The following OPRM1 variants were observed in gnomAD, a reference collection of about 807,000 sequenced individuals.
OPRM1 encodes mu-type opioid receptor.
A neutral mutation model predicts 31.8 loss-of-function variants in OPRM1; 27 were observed. The ratio of observed to expected loss-of-function variants is 0.85; its 90% CI spans 0.63 to 1.17. The LOEUF (loss-of-function observed/expected upper bound fraction) is 1.17. OPRM1 is among the 50% of genes most tolerant of loss of function. The pLI is 0.00. For synonymous variants in OPRM1, 196 were observed against 189.9 expected (o/e 1.03, Z -0.26); for missense variants, 536 against 511.1 (o/e 1.05, Z -0.47).
chr6:154,154,088 C>T (rs1798618068), intron 3 of OPRM1, among the ~76,000 whole-genome samples: 1 of 152,140 alleles, frequency 6.6e-6, no homozygotes, highest in African/African-American at 2.4e-5. Flanking sequence ...TGGAGCTTGG[C>T]TTGTGAGGTG....
intron 3 of OPRM1, chr6:154,108,084 G>T: frequency 1.6e-6 from 1 of 642,976 alleles, no homozygotes; most frequent in African/African-American, 1.8e-5. Context: ...AGGCTTCTGG[G>T]TTCCCTTTCC....
chr6:154,137,352 C>T (rs1359377024), downstream of OPRM1, among the ~76,000 whole-genome samples: 1 of 152,136 alleles, frequency 6.6e-6, no homozygotes, highest in African/African-American at 2.4e-5. Flanking sequence ...TCTGAATATA[C>T]TTGCTTTCTG....
chr6:154,225,773 CTA>C (rs1779200891), intron 3 of OPRM1, among the ~76,000 whole-genome samples: 1 of 152,192 alleles, frequency 6.6e-6, no homozygotes, highest in Non-Finnish European at 1.5e-5. Context: ...TTTTAAGAAT[CTA>C]TGTTAGGCTA....
chr6:154,040,870 T>C (rs1779915873), intron 1 of OPRM1, among the ~76,000 whole-genome samples: 1 of 152,244 alleles, frequency 6.6e-6, no homozygotes. Context: ...GGTGTTGATG[T>C]GTATATTCAA....
At chr6:154,015,755 T>C (rs1039438361) in intron 1 of OPRM1, among the ~76,000 whole-genome samples, 10 of 151,762 alleles carry the variant, frequency 6.6e-5, no homozygotes, top group African/African-American at 2.2e-4. Context: ...ATATCTCTAA[T>C]ATATAAAGAT....
intron 3 of OPRM1, chr6:154,199,778 T>C (rs764591429): frequency 6.2e-7 from 1 of 1,614,220 alleles, no homozygotes; most frequent in South Asian, 1.1e-5. Context: ...AAATCCACTT[T>C]CTGATGTGAC....
intron 3 of OPRM1, among the ~76,000 whole-genome samples, chr6:154,092,837 G>A (rs545771768): frequency 1.3e-5 from 2 of 152,288 alleles, no homozygotes; most frequent in African/African-American, 2.4e-5. Context: ...AGGTAATGAT[G>A]GCAGACCCAC....
chr6:154,012,384 C>T (rs1777776982), intron 1 of OPRM1, among the ~76,000 whole-genome samples: 1 of 152,080 alleles, frequency 6.6e-6, no homozygotes, highest in African/African-American at 2.4e-5. Context: ...GTATTTCCTT[C>T]CTTTAAGATC....
At chr6:154,074,637 G>T (rs1562430667) in intron 1 of OPRM1, among the ~76,000 whole-genome samples, 1 of 152,120 alleles carries the variant, frequency 6.6e-6, no homozygotes, top group Non-Finnish European at 1.5e-5. Flanking sequence ...GTACACTCCT[G>T]TAGTCCCAGC....
At chr6:154,187,285 G>C (rs73567119) in intron 3 of OPRM1, among the ~76,000 whole-genome samples, 1 of 152,042 alleles carries the variant, frequency 6.6e-6, no homozygotes, top group African/African-American at 2.4e-5. Flanking sequence ...CCCTTGCCCT[G>C]CCTCTTGTAA....
chr6:154,242,390 C>T (rs1583887157), intron 3 of OPRM1, among the ~76,000 whole-genome samples: 1 of 152,230 alleles, frequency 6.6e-6, no homozygotes, highest in East Asian at 1.9e-4. Context: ...TCTTGAAATT[C>T]CCATGGGCAA....
chr6:154,209,147 A>G (rs1675257610), intron 3 of OPRM1, among the ~76,000 whole-genome samples: 1 of 152,154 alleles, frequency 6.6e-6, no homozygotes, highest in Admixed American at 6.5e-5. Flanking sequence ...TGAATTAAAT[A>G]TTTTCAAGAT....
At position 154,121,435 on chromosome 6, in the gene OPRM1, C is replaced by A. The variant is rs599945; in HGVS notation, c.*2714C>A. Among the ~76,000 whole-genome samples, 135,086 of 152,222 alleles carry A rather than the reference C, an allele frequency of 0.89. 60,101 individuals are homozygous for A. The highest frequency in any genetic ancestry group is 0.98 in the East Asian group (5,100 of 5,188). The stretch of plus-strand genomic sequence containing the variant: ...ATCCTATCCCAACAGGGCTGTCAGA[C>A]GGAGAACTCCTAATGTGGCCATTTG... On this transcript the variant is annotated 3_prime_UTR_variant, in exon 4 of 4. Coordinates refer to ENST00000330432, the MANE Select transcript of OPRM1 (RefSeq NM_000914.5).
At chr6:154,241,234 C>CAAAAAAAA in intron 3 of OPRM1, among the ~76,000 whole-genome samples, 1 of 79,232 alleles carries the variant, frequency 1.3e-5, no homozygotes, top group Non-Finnish European at 2.5e-5. Flanking sequence ...GACTCCATCT[C>CAAAAAAAA]AAAAAAAAAA....
intron 3 of OPRM1, among the ~76,000 whole-genome samples, chr6:154,137,824 T>C (rs1392646644): frequency 6.6e-6 from 1 of 152,132 alleles, no homozygotes; most frequent in African/African-American, 2.4e-5. Flanking sequence ...ACAAGAGGGA[T>C]GTTGGAAGAA....
At chr6:154,146,724 CCTGGGTA>C (rs902561496) in intron 3 of OPRM1, among the ~76,000 whole-genome samples, 3 of 152,010 alleles carry the variant, frequency 2.0e-5, no homozygotes, top group Admixed American at 6.6e-5. Flanking sequence ...CTGTGCTTCC[CCTGGGTA>C]CCTTTATGAG....
intron 3 of OPRM1, among the ~76,000 whole-genome samples, chr6:154,161,463 T>G (rs1178516614): frequency 6.6e-6 from 1 of 152,110 alleles, no homozygotes; most frequent in Non-Finnish European, 1.5e-5. Context: ...TACACCCACC[T>G]CAGCCTCCCA....
At chr6:154,044,220 T>C (rs1038802530) in intron 1 of OPRM1, among the ~76,000 whole-genome samples, 3 of 152,226 alleles carry the variant, frequency 2.0e-5, no homozygotes, top group Admixed American at 6.5e-5. Context: ...ATAAATTTAG[T>C]GGTGAGTTAT....
intron 3 of OPRM1, among the ~76,000 whole-genome samples, chr6:154,148,692 T>C (rs978048601): frequency 6.6e-6 from 1 of 152,208 alleles, no homozygotes; most frequent in Non-Finnish European, 1.5e-5. Flanking sequence ...TTGTCCACTA[T>C]GTTCCTTGGG....
Sources: allele counts gnomAD v4.1 joint callset (sites outside exome capture counted in the v4.1 genomes callset), GRCh38; gene constraint gnomAD v4.1.1; transcripts MANE v1.5; gene names NCBI Gene and HGNC (gene_info 2026-07-23, HGNC 2026-07-21).